The following MICAL2 variants were observed in gnomAD, a reference collection of about 807,000 sequenced individuals.
MICAL2 encodes the protein [F-actin]-monooxygenase MICAL2.
MICAL2 carries 77 observed loss-of-function variants against 127.3 expected under a neutral mutation model. That is an observed-to-expected ratio of 0.60 (90% confidence interval 0.50 to 0.73). The LOEUF (loss-of-function observed/expected upper bound fraction) is 0.73, where lower values mean the gene tolerates loss of function less well. MICAL2 is among the 30% of genes least tolerant of loss of function. The pLI, the probability that MICAL2 is intolerant of heterozygous loss-of-function variation, is 0.00. For missense variants in MICAL2, 1,351 were observed against 1,434.4 expected (o/e 0.94, Z 0.94); for synonymous variants, 570 against 551.1 (o/e 1.03, Z -0.48).
chr11:12,343,462 A>AAT (rs1230607241), intron 32 of MICAL2, among the ~76,000 whole-genome samples: 1 of 151,648 alleles, frequency 6.6e-6, no homozygotes, highest in Non-Finnish European at 1.5e-5. Flanking sequence ...CCACTGAAAA[A>AAT]ATAATTAAAT....
intron 29 of MICAL2, chr11:12,319,612 T>A: frequency 1.0e-6 from 1 of 973,332 alleles, no homozygotes. Flanking sequence ...TGAGAGTAAG[T>A]GGGGGAGGAG....
chr11:12,209,869 C>T (rs1005157933), intron 6 of MICAL2, among the ~76,000 whole-genome samples: 10 of 151,952 alleles, frequency 6.6e-5, no homozygotes, highest in Non-Finnish European at 1.0e-4. Flanking sequence ...TGTTGTTATG[C>T]GGGCTGGGAA....
intron 2 of MICAL2, among the ~76,000 whole-genome samples, chr11:12,284,526 T>C (rs1451645407): frequency 6.6e-6 from 1 of 152,168 alleles, no homozygotes; most frequent in Non-Finnish European, 1.5e-5. Flanking sequence ...ACACCAGTGA[T>C]GGAAAATCTC....
intron 7 of MICAL2, among the ~76,000 whole-genome samples, chr11:12,214,291 A>T (rs574202543): frequency 6.6e-6 from 1 of 152,174 alleles, no homozygotes; most frequent in African/African-American, 2.4e-5. Context: ...GTTAAATAAA[A>T]TCTGTATATG....
At chr11:12,298,764 C>G (rs1864014317) in intron 29 of MICAL2, among the ~76,000 whole-genome samples, 1 of 151,936 alleles carries the variant, frequency 6.6e-6, no homozygotes. Flanking sequence ...ATTTTTTTCT[C>G]CTTAATTTGA....
chr11:12,350,531 G>T (rs1589923373), intron 33 of MICAL2, among the ~76,000 whole-genome samples: 1 of 152,130 alleles, frequency 6.6e-6, no homozygotes, highest in African/African-American at 2.4e-5. Flanking sequence ...GTTGTGCTGG[G>T]TGCTTCCATT....
upstream of MICAL2, among the ~76,000 whole-genome samples, chr11:12,271,307 T>G (rs114169639): frequency 0.011 from 1,687 of 152,258 alleles, 17 homozygotes; most frequent in Non-Finnish European, 0.019. Flanking sequence ...ATTCTCCAAA[T>G]GAGCAAAGAT....
At chr11:12,356,967 T>C (rs1345517328) in intron 34 of MICAL2, among the ~76,000 whole-genome samples, 1 of 152,206 alleles carries the variant, frequency 6.6e-6, no homozygotes, top group African/African-American at 2.4e-5. Context: ...ACCAATGAGA[T>C]ATGACATTAC....
intron 4 of MICAL2, 90 bp from the exon 5 acceptor site, chr11:12,207,933 T>TCA: frequency 1.0e-6 from 1 of 972,128 alleles, no homozygotes; most frequent in Admixed American, 1.7e-5. Flanking sequence ...TGCTCAAAGG[T>TCA]CACTGAGCGG....
In MICAL2 at chr11:12,336,405, A is replaced by AC. The variant is rs1360206961; in HGVS notation, c.5515+9139_5515+9140insC. On this transcript the variant is annotated intron_variant, in intron 32 of 34. Transcript: ENST00000646065. ...ACAATCATGTCATCTGCAAACAGGG[A>AC]AATTTGACTTCCTTTTTTCCTAATT... Among the ~76,000 whole-genome samples the AC allele has an allele frequency of 4.6e-5, 7 of 152,150 alleles. No homozygotes were observed. In the South Asian group the frequency reaches 6.2e-4, roughly 14 times the overall value.
At chr11:12,263,492 C>G (rs768518073) in intron 27 of MICAL2, 68 bp from the exon 28 acceptor site, 1 of 152,658 alleles carries the variant, frequency 6.6e-6, no homozygotes, top group Admixed American at 6.5e-5. Flanking sequence ...GCATGCTGCA[C>G]GCTCACTGTA....
At chr11:12,131,444 T>A (rs975616393) in intron 1 of MICAL2, among the ~76,000 whole-genome samples, 1 of 152,168 alleles carries the variant, frequency 6.6e-6, no homozygotes, top group African/African-American at 2.4e-5. Context: ...GGGCCATCCC[T>A]GGCCCCAATT....
chr11:12,322,102 G>T (rs1864306150), intron 30 of MICAL2, among the ~76,000 whole-genome samples: 1 of 152,034 alleles, frequency 6.6e-6, no homozygotes, highest in Admixed American at 6.6e-5. Context: ...TATAATGTAA[G>T]TGCAATTTGA....
At chr11:12,240,919 GC>G (rs1859832462) in intron 17 of MICAL2, 120 bp from the exon 18 acceptor site, 2 of 1,316,754 alleles carry the variant, frequency 1.5e-6, no homozygotes, top group Non-Finnish European at 2.1e-6. Context: ...TGCTTCCTCT[GC>G]ACTTGCAACC....
chr11:12,133,905 A>T (rs566993679), intron 1 of MICAL2, among the ~76,000 whole-genome samples: 1 of 152,344 alleles, frequency 6.6e-6, no homozygotes, highest in Non-Finnish European at 1.5e-5. Context: ...GCAGCAGGAC[A>T]TTGCCATCAC....
In MICAL2 at chr11:12,162,403, C is replaced by T; in HGVS notation, c.248C>T (p.Ser83Leu). 4 of 1,614,190 alleles carry T rather than the reference C, an allele frequency of 2.5e-6. No homozygotes were observed. Among genetic ancestry groups the T allele is most frequent in the African/African-American group, 1.3e-5 (1 of 75,054 alleles). The stretch of plus-strand genomic sequence containing the variant: ...CACAAAGAGTATAAGCGAGGGAAGT[C>T]GTGCACGAACACCAAGGTAAGGGGA... The part of the protein sequence containing the change: ...GSHKEYKRGK[S>L]CTNTKCLIVG... The change falls in exon 3 of 28, where the codon TCG (serine) becomes TTG (leucine). Residue 83 changes from serine (S) to leucine (L), a missense_variant. Coordinates refer to ENST00000683283, the MANE Select transcript of MICAL2 (RefSeq NM_001282663.2).
intron 21 of MICAL2, among the ~76,000 whole-genome samples, chr11:12,245,913 A>T (rs1172592351): frequency 6.6e-6 from 1 of 152,218 alleles, no homozygotes; most frequent in Non-Finnish European, 1.5e-5. Flanking sequence ...CTAGGCACGG[A>T]CCAGGCAGTG....
chr11:12,149,279 G>A (rs570904085), intron 2 of MICAL2, among the ~76,000 whole-genome samples: 7 of 152,290 alleles, frequency 4.6e-5, no homozygotes, highest in South Asian at 2.1e-4. Context: ...CTGGAGGGGC[G>A]AGCTAGGGCT....
At chr11:12,274,463 C>T (rs1211495936), upstream of MICAL2, 1 of 152,144 alleles carries the variant, frequency 6.6e-6, no homozygotes, top group African/African-American at 2.4e-5. Context: ...GTGAGACACA[C>T]TATGAATGAA....
Sources: allele counts gnomAD v4.1 joint callset (sites outside exome capture counted in the v4.1 genomes callset), GRCh38; gene constraint gnomAD v4.1.1; transcripts MANE v1.5; gene names NCBI Gene and HGNC (gene_info 2026-07-23, HGNC 2026-07-21).